The following SH3YL1 variants were observed in gnomAD, a reference collection of about 807,000 sequenced individuals.
SH3YL1 encodes the protein SH3 domain-containing YSC84-like protein 1.
SH3YL1 carries 41 observed loss-of-function variants against 45.8 expected under a neutral mutation model. The observed-to-expected ratio is 0.89, with a 90% CI of 0.70 to 1.16. The LOEUF (loss-of-function observed/expected upper bound fraction) is 1.16. Ranked by LOEUF, SH3YL1 falls within the 50% of genes most tolerant of loss-of-function variation. The pLI is 0.00. For synonymous variants in SH3YL1, 152 were observed against 151.4 expected (o/e 1.00, Z -0.03); for missense variants, 389 against 409.6 (o/e 0.95, Z 0.43).
intron 3 of SH3YL1, 60 bp from the exon 4 acceptor site, chr2:247,662 A>T: frequency 7.5e-7 from 1 of 1,340,318 alleles, no homozygotes; most frequent in Non-Finnish European, 1.0e-6. Flanking sequence ...ATGTAAATAT[A>T]GGAAGGAAAA....
At position 263,223 on chromosome 2, in the gene SH3YL1, G is replaced by C. The variant is rs541018719; in HGVS notation, c.1+761C>G. The C allele has an allele frequency of 3.2e-5, 5 of 154,714 alleles. No individual in the cohort carries two copies. The East Asian group carries it at 9.7e-4, about 30-fold the overall frequency. The allele number at this position is 154,714 out of a possible 1,614,324, so 9.6% of individuals were successfully genotyped here. ...AGAAACCGAGCACCTGCTCTCTTGC[G>C]GGGGGGCAGCTTCGTGTCACTTTCC... On this transcript the variant is annotated intron_variant, in intron 1 of 9. Transcript: ENST00000356150.
In SH3YL1 at chr2:255,888, T is replaced by C. The variant is rs149514744; in HGVS notation, c.2-2773A>G. The C allele has an allele frequency of 3.9e-5, 6 of 152,394 alleles. No individual in the cohort carries two copies. The East Asian group carries it at 1.2e-3, about 29-fold the overall frequency. 9.4% of individuals were successfully genotyped at this position (152,394 alleles called of 1,614,324 possible). ...ATCACAGCATTAGTGTATTTTGGCA[T>C]GTTGCATTTTTTAATCAATGTTATC... On this transcript the variant is annotated intron_variant, in intron 1 of 9. Transcript: ENST00000356150.
chr2:251,837 C>A (rs1669085729), intron 2 of SH3YL1, among the ~76,000 whole-genome samples: 1 of 152,178 alleles, frequency 6.6e-6, no homozygotes, highest in Non-Finnish European at 1.5e-5. Context: ...AAAACAACAA[C>A]AAATTTTTAA....
At chr2:250,902 T>G (rs570630589) in intron 2 of SH3YL1, among the ~76,000 whole-genome samples, 1 of 152,346 alleles carries the variant, frequency 6.6e-6, no homozygotes, top group African/African-American at 2.4e-5. Flanking sequence ...AAGTGTACTT[T>G]ATTTTTGTAT....
Position 257,434 on chromosome 2 carries a change from T to C in SH3YL1, c.2-4319A>G, listed in dbSNP as rs374279021. Among the ~76,000 whole-genome samples, 17 of 152,336 alleles carry C rather than the reference T, an allele frequency of 1.1e-4. No individual in the cohort carries two copies. The South Asian group carries it at 2.9e-3, about 26-fold the overall frequency. ...CCATACTTCAATATTTGAGTCCTTGTAGATGAACTGCCACCTAACTTAATA... is the reference window on the plus strand; with the variant it reads ...CCATACTTCAATATTTGAGTCCTTGCAGATGAACTGCCACCTAACTTAATA... On this transcript the variant is annotated intron_variant, in intron 1 of 9. Coordinates refer to ENST00000356150, the MANE Select transcript of SH3YL1 (RefSeq NM_015677.4).
intron 4 of SH3YL1, chr2:243,481 G>C: frequency 6.7e-7 from 1 of 1,501,390 alleles, no homozygotes; most frequent in Non-Finnish European, 8.9e-7. Context: ...TTGAGATTAA[G>C]GAAAATGAAG....
At chr2:249,094 T>C (rs1296745728) in intron 3 of SH3YL1, among the ~76,000 whole-genome samples, 1 of 152,194 alleles carries the variant, frequency 6.6e-6, no homozygotes, top group African/African-American at 2.4e-5. Context: ...AAATGTTAAA[T>C]TGGTATAAAA....
In SH3YL1 at chr2:230,005, G is replaced by C; in HGVS notation, c.742C>G (p.Gln248Glu). The change falls in exon 8 of 10, where the codon CAG becomes GAG. Residue 248 changes from glutamine to glutamate, a missense_variant. Transcript: ENST00000356150. Reference sequence around the variant, plus strand: ...TTCAGCTGGACTGGTGCAGATGACTGCTGTGGTCTTGACAATGGCTTTGGA... The same window carrying C: ...TTCAGCTGGACTGGTGCAGATGACTCCTGTGGTCTTGACAATGGCTTTGGA... ...LPPKPLSRPQ[Q>E]SSAPVQLNSG... 6.2e-7 allele frequency: 1 copy of C among 1,612,064 alleles called. No homozygotes were observed. The highest frequency in any genetic ancestry group is 8.5e-7 in the Non-Finnish European group (1 of 1,178,702).
chr2:224,963 T>C (rs2103018935), intron 8 of SH3YL1, 43 bp from the exon 9 acceptor site: 1 of 1,488,884 alleles, frequency 6.7e-7, no homozygotes, highest in Non-Finnish European at 9.3e-7. Flanking sequence ...AACTGATTAG[T>C]ATATATCATA....
chr2:251,003 T>A (rs1020137065), intron 2 of SH3YL1, among the ~76,000 whole-genome samples: 11 of 152,236 alleles, frequency 7.2e-5, no homozygotes, highest in Non-Finnish European at 1.2e-4. Context: ...TGGCAGAATG[T>A]CTTCCTCACA....
chr2:262,821 G>T, intron 1 of SH3YL1: 1 of 725,964 alleles, frequency 1.4e-6, no homozygotes, highest in South Asian at 2.1e-5. Context: ...CACTTTTGAT[G>T]AGCAAACATT....
At chr2:232,067 G>C (rs1668071499) in intron 6 of SH3YL1, among the ~76,000 whole-genome samples, 1 of 151,988 alleles carries the variant, frequency 6.6e-6, no homozygotes, top group African/African-American at 2.4e-5. Context: ...ACTTCTGCAG[G>C]TTCTGGAAGA....
intron 1 of SH3YL1, among the ~76,000 whole-genome samples, chr2:255,043 A>C (rs1208552902): frequency 1.3e-5 from 2 of 152,162 alleles, no homozygotes; most frequent in Non-Finnish European, 2.9e-5. Context: ...AAATTTATAA[A>C]ACCAAACTAT....
chr2:251,983 T>A (rs2103050439), intron 2 of SH3YL1, among the ~76,000 whole-genome samples: 1 of 152,348 alleles, frequency 6.6e-6, no homozygotes, highest in Admixed American at 6.5e-5. Context: ...CCAGGCTAAC[T>A]GGCATGAGAC....
At chr2:250,119 G>A (rs1669014756) in intron 2 of SH3YL1, among the ~76,000 whole-genome samples, 1 of 152,184 alleles carries the variant, frequency 6.6e-6, no homozygotes, top group African/African-American at 2.4e-5. Context: ...ATATTTGAAA[G>A]AGATTTTATT....
intron 1 of SH3YL1, chr2:260,460 A>C (rs1669543496): frequency 6.6e-6 from 1 of 152,220 alleles, no homozygotes; most frequent in Non-Finnish European, 1.5e-5. Flanking sequence ...TTATAACCAA[A>C]GCTGGTCCAA....
chr2:248,126 T>C (rs1052087792), intron 3 of SH3YL1, among the ~76,000 whole-genome samples: 3 of 152,234 alleles, frequency 2.0e-5, no homozygotes, highest in Non-Finnish European at 4.4e-5. Context: ...AAATTCAAGG[T>C]TATTAAAATT....
intron 1 of SH3YL1, among the ~76,000 whole-genome samples, chr2:257,314 T>G (rs550950488): frequency 6.6e-6 from 1 of 152,374 alleles, no homozygotes; most frequent in South Asian, 2.1e-4. Flanking sequence ...CCAGCGATTA[T>G]GTCCACAATG....
At chr2:238,569 CAGACTGCT>C (rs1412470088) in intron 4 of SH3YL1, among the ~76,000 whole-genome samples, 1 of 152,000 alleles carries the variant, frequency 6.6e-6, no homozygotes, top group Non-Finnish European at 1.5e-5. Context: ...GAGTAAAAGC[CAGACTGCT>C]CTGGCTTGAT....
Sources: gnomAD v4.1 joint callset for allele counts (sites outside exome capture counted in the v4.1 genomes callset) on GRCh38, gnomAD v4.1.1 for gene constraint, MANE v1.5 for transcripts, NCBI Gene and HGNC (gene_info 2026-07-23, HGNC 2026-07-21) for gene names.